WWOX: variants seen among roughly 807,000 people sequenced by gnomAD.
WWOX encodes WW domain containing oxidoreductase, also known as WW domain-containing oxidoreductase.
WWOX carries 69 observed loss-of-function variants against 46.2 expected under a neutral mutation model. The ratio of observed to expected loss-of-function variants is 1.49; its 90% CI spans 1.23 to 1.82. WWOX has a LOEUF of 1.82. Among genes scored for constraint, WWOX ranks in the 40% most tolerant of loss-of-function variants. The pLI is 0.00. For missense variants in WWOX, 919 were observed against 542.6 expected (o/e 1.69, Z -6.89); for synonymous variants, 359 against 202.6 (o/e 1.77, Z -6.56).
In WWOX at chr16:79,121,865, T is replaced by G. The variant is rs998292563; in HGVS notation, c.1057-89743T>G. Reference sequence around the variant, plus strand: ...ATATTAAAACAATTCGTTCTCAGCATCAGAAAAGAGGTCGTGTGTGTGTTT... The same window carrying G: ...ATATTAAAACAATTCGTTCTCAGCAGCAGAAAAGAGGTCGTGTGTGTGTTT... On this transcript the variant is annotated intron_variant, in intron 8 of 8. Coordinates refer to ENST00000566780, the MANE Select transcript of WWOX (RefSeq NM_016373.4). 3.9e-5 allele frequency among the ~76,000 whole-genome samples: 6 copies of G among 152,244 alleles called. 1 individual carries two copies. Among genetic ancestry groups the G allele is most frequent in the Admixed American group, 3.9e-4 (6 of 15,288 alleles).
intron 4 of WWOX, among the ~76,000 whole-genome samples, chr16:78,122,895 A>G (rs747478523): frequency 9.2e-5 from 14 of 152,156 alleles, no homozygotes; most frequent in African/African-American, 1.2e-4. Flanking sequence ...ACTAGCCACC[A>G]TGCCCGGGGG....
intron 8 of WWOX, among the ~76,000 whole-genome samples, chr16:78,521,728 A>G (rs2043351891): frequency 6.6e-6 from 1 of 152,110 alleles, no homozygotes. Context: ...TAGTTCCAAA[A>G]GAGTATCTCT....
chr16:79,130,846 C>A (rs551667688), intron 8 of WWOX, among the ~76,000 whole-genome samples: 1 of 152,246 alleles, frequency 6.6e-6, no homozygotes, highest in South Asian at 2.1e-4. Flanking sequence ...CCGCACAGTG[C>A]GGAGCTACTG....
chr16:78,848,797 CT>C (rs34992827), intron 8 of WWOX, among the ~76,000 whole-genome samples: 100,424 of 148,754 alleles, frequency 0.68, 37,093 homozygotes, highest in Middle Eastern at 0.86. Context: ...ACACAGAGAC[CT>C]TTTTTTTTTT....
At chr16:78,950,172 T>C (rs2046029918) in intron 8 of WWOX, among the ~76,000 whole-genome samples, 1 of 152,208 alleles carries the variant, frequency 6.6e-6, no homozygotes, top group African/African-American at 2.4e-5. Flanking sequence ...CCCTTCTTGA[T>C]AGGTTGTAGA....
At chr16:78,926,370 CAAAA>C (rs57956185) in intron 8 of WWOX, among the ~76,000 whole-genome samples, 7 of 140,298 alleles carry the variant, frequency 5.0e-5, no homozygotes, top group Non-Finnish European at 3.1e-5. Flanking sequence ...GACCCTATCT[CAAAA>C]AAAAAAAAAA....
chr16:78,110,097 T>A (rs1360461747), intron 3 of WWOX, among the ~76,000 whole-genome samples: 1 of 151,494 alleles, frequency 6.6e-6, no homozygotes, highest in Admixed American at 6.6e-5. Context: ...ATCCCAGCAC[T>A]TTGGGAGGTC....
rs35617570 is a variant in WWOX at position 78,104,360 on chromosome 16, T to TACAC, written c.108-4048_108-4045dup. ...GCACGCACGCACGCATGCACGCACA[T>TACAC]ACACACACACACACACACCCATAGG... On this transcript the variant is annotated intron_variant, in intron 1 of 8. Transcript: ENST00000566780. Among the ~76,000 whole-genome samples, 94 of 147,764 alleles carry TACAC rather than the reference T, an allele frequency of 6.4e-4. 3 individuals carry two copies. The East Asian group carries it at 0.017, about 27-fold the overall frequency.
chr16:78,325,804 G>A (rs181783393), intron 5 of WWOX, among the ~76,000 whole-genome samples: 3 of 152,344 alleles, frequency 2.0e-5, no homozygotes, highest in African/African-American at 7.2e-5. Flanking sequence ...AGGCATAGGA[G>A]TTAAGGGTTT....
intron 8 of WWOX, among the ~76,000 whole-genome samples, chr16:78,866,576 A>G (rs1488168542): frequency 6.6e-6 from 1 of 152,186 alleles, no homozygotes; most frequent in East Asian, 1.9e-4. Context: ...AAGGGGAACA[A>G]AATCACTTAA....
chr16:78,163,517 A>G (rs1473942082), intron 4 of WWOX, among the ~76,000 whole-genome samples: 1 of 152,172 alleles, frequency 6.6e-6, no homozygotes, highest in Non-Finnish European at 1.5e-5. Flanking sequence ...CTATGTTTGG[A>G]AATGAAATAT....
chr16:79,042,722 C>T (rs966123967), intron 8 of WWOX, among the ~76,000 whole-genome samples: 2 of 107,004 alleles, frequency 1.9e-5, no homozygotes, highest in Non-Finnish European at 3.5e-5. Flanking sequence ...CAGATGAATA[C>T]TCAGGGTTTT....
At chr16:79,024,848 G>C (rs1045962252) in intron 8 of WWOX, among the ~76,000 whole-genome samples, 2 of 152,178 alleles carry the variant, frequency 1.3e-5, no homozygotes, top group African/African-American at 4.8e-5. Flanking sequence ...GGGATTACAG[G>C]CGTGAGCCAC....
At chr16:78,339,986 G>T (rs1814943697) in intron 5 of WWOX, among the ~76,000 whole-genome samples, 1 of 63,716 alleles carries the variant, frequency 1.6e-5, no homozygotes, top group Admixed American at 2.3e-4. Flanking sequence ...TACTTTCAGG[G>T]ATAGTTCTTC....
chr16:78,917,046 G>C (rs967737089), intron 8 of WWOX, among the ~76,000 whole-genome samples: 2 of 152,150 alleles, frequency 1.3e-5, no homozygotes, highest in African/African-American at 4.8e-5. Context: ...GACAAATGTT[G>C]ACTCTTCTAA....
At chr16:78,642,403 C>T (rs867820656) in intron 8 of WWOX, among the ~76,000 whole-genome samples, 2 of 152,186 alleles carry the variant, frequency 1.3e-5, no homozygotes, top group Admixed American at 6.5e-5. Flanking sequence ...CAAAGTCTCT[C>T]TCCTTGCTTC....
intron 5 of WWOX, among the ~76,000 whole-genome samples, chr16:78,266,482 C>T (rs946981472): frequency 4.6e-5 from 7 of 152,172 alleles, no homozygotes; most frequent in African/African-American, 1.7e-4. Context: ...CTATCATCTC[C>T]ACGTCTGCCT....
intron 8 of WWOX, among the ~76,000 whole-genome samples, chr16:78,963,824 T>C (rs2151315074): frequency 6.6e-6 from 1 of 152,294 alleles, no homozygotes; most frequent in South Asian, 2.1e-4. Context: ...TTAACTTGAA[T>C]CGTATCTCCC....
intron 8 of WWOX, among the ~76,000 whole-genome samples, chr16:78,589,364 G>A (rs1374582208): frequency 6.6e-6 from 1 of 152,218 alleles, no homozygotes; most frequent in African/African-American, 2.4e-5. Context: ...GATTCATCTA[G>A]TTGTGATTTT....
Sources: allele counts gnomAD v4.1 joint callset (sites outside exome capture counted in the v4.1 genomes callset), GRCh38; gene constraint gnomAD v4.1.1; transcripts MANE v1.5; gene names NCBI Gene and HGNC (gene_info 2026-07-23, HGNC 2026-07-21).